KRAS: variants seen among roughly 807,000 people sequenced by gnomAD.
KRAS encodes KRas proto-oncogene, GTPase, also known as GTPase KRas.
A neutral mutation model predicts 21.0 loss-of-function variants in KRAS; 1 was observed. The ratio of observed to expected loss-of-function variants is 0.05; its 90% CI spans 0.02 to 0.23. The LOEUF is 0.23. Ranked by LOEUF, KRAS falls within the 10% of genes least tolerant of loss-of-function variation. The pLI is 1.00. For synonymous variants in KRAS, 67 were observed against 72.5 expected (o/e 0.92, Z 0.39); for missense variants, 107 against 221.8 (o/e 0.48, Z 3.29).
intron 2 of KRAS, among the ~76,000 whole-genome samples, chr12:25,242,985 T>C (rs1490562779): frequency 6.6e-6 from 1 of 152,204 alleles, no homozygotes; most frequent in African/African-American, 2.4e-5. Flanking sequence ...TATTACTTGA[T>C]TTAAATTTTT....
chr12:25,226,758 G>C (rs1335993418), intron 3 of KRAS, among the ~76,000 whole-genome samples: 3 of 152,132 alleles, frequency 2.0e-5, no homozygotes, highest in Non-Finnish European at 4.4e-5. Flanking sequence ...TAAGAGAACT[G>C]TAATGCCCAA....
chr12:25,236,802 G>A (rs892334659), intron 2 of KRAS, among the ~76,000 whole-genome samples: 1 of 152,008 alleles, frequency 6.6e-6, no homozygotes, highest in East Asian at 1.9e-4. Flanking sequence ...TGGTAGGAAT[G>A]TAAACAGTAC....
intron 4 of KRAS, among the ~76,000 whole-genome samples, chr12:25,224,327 C>A (rs1245113857): frequency 2.0e-5 from 3 of 151,482 alleles, no homozygotes; most frequent in Admixed American, 1.3e-4. Flanking sequence ...TCCAGTGGGA[C>A]AAGATGTGGA....
rs1287997207 is a variant in KRAS at position 25,224,512 on chromosome 12, T to TA, written c.450+1101dup. On this transcript the variant is annotated intron_variant, in intron 4 of 4. Transcript: ENST00000311936. ...GGAAAGAAAAATTTGTATAGCTGTA[T>TA]AATGTGTGTTTTAAGCTGTATTACA... 2.0e-5 allele frequency among the ~76,000 whole-genome samples: 3 copies of TA among 152,170 alleles called. No individual in the cohort carries two copies. The East Asian group carries it at 5.8e-4, about 29-fold the overall frequency.
chr12:25,249,201 C>A (rs950849565), intron 1 of KRAS, among the ~76,000 whole-genome samples: 2 of 152,102 alleles, frequency 1.3e-5, no homozygotes, highest in African/African-American at 2.4e-5. Context: ...TCTAGACCAG[C>A]CTGACCAACA....
chr12:25,225,667 A>C lies in KRAS; in HGVS notation c.397T>G (p.Leu133Val). 1 of 1,613,366 alleles carries C rather than the reference A, an allele frequency of 6.2e-7. No individual in the cohort carries two copies. Among genetic ancestry groups the C allele is most frequent in the Non-Finnish European group, 8.5e-7 (1 of 1,179,568 alleles). ...RTVDTKQAQD[L>V]ARSYGIPFIE... ...AAAGGAATTCCATAACTTCTTGCTA[A>C]GTCCTGAGCCTGTTTTGTGTCTACT... Residue 133 changes from leucine to valine, a missense_variant, in exon 4 of 5, where the codon TTA (leucine) becomes GTA (valine). This residue lies in a region of KRAS where 65 missense variants were observed against 82.3 expected (regional missense o/e 0.79). Transcript: ENST00000311936.
chr12:25,237,982 A>G (rs1372913810), intron 2 of KRAS, among the ~76,000 whole-genome samples: 3 of 152,226 alleles, frequency 2.0e-5, no homozygotes, highest in Non-Finnish European at 4.4e-5. Context: ...AAGGATAGCT[A>G]CAACTGAAGG....
intron 2 of KRAS, among the ~76,000 whole-genome samples, chr12:25,238,484 T>A (rs1272378454): frequency 6.6e-6 from 1 of 152,220 alleles, no homozygotes; most frequent in Non-Finnish European, 1.5e-5. Flanking sequence ...AATTATGTAA[T>A]TTATTGAGGC....
Position 25,239,215 on chromosome 12 carries a change from T to C in KRAS, c.111+6059A>G, listed in dbSNP as rs1951580064. 2.0e-5 allele frequency among the ~76,000 whole-genome samples: 3 copies of C among 152,290 alleles called. No individual in the cohort carries two copies. In the South Asian group the frequency reaches 6.2e-4, roughly 32 times the overall value. On this transcript the variant is annotated intron_variant, in intron 2 of 4. Coordinates refer to ENST00000311936, the MANE Select transcript of KRAS (RefSeq NM_004985.5). ...TTATATCTTTAGTACCCCCCATCCCTTTTTTTCTATTTGTGTGTTTGCTTT... is the reference window on the plus strand; with the variant it reads ...TTATATCTTTAGTACCCCCCATCCCCTTTTTTCTATTTGTGTGTTTGCTTT...
intron 2 of KRAS, among the ~76,000 whole-genome samples, chr12:25,242,737 A>G (rs1169854182): frequency 6.6e-6 from 1 of 152,154 alleles, no homozygotes; most frequent in East Asian, 1.9e-4. Context: ...CCATTAGTAA[A>G]TATTTTCTTA....
At chr12:25,210,006 G>A in intron 4 of KRAS, 95 bp from the exon 5 acceptor site, 2 of 880,836 alleles carry the variant, frequency 2.3e-6, no homozygotes, top group Non-Finnish European at 3.5e-6. Context: ...ATTAAGAAAG[G>A]ATTCTTTATG....
At position 25,228,885 on chromosome 12, in the gene KRAS, C is replaced by T. The variant is rs144562425; in HGVS notation, c.112-1473G>A. Among the ~76,000 whole-genome samples, 1,361 of 152,186 alleles carry T rather than the reference C, an allele frequency of 8.9e-3. 18 individuals are homozygous for T. The highest frequency in any genetic ancestry group is 0.031 in the African/African-American group (1,278 of 41,508). On this transcript the variant is annotated intron_variant, in intron 2 of 4. Transcript: ENST00000311936. ...AACATCCTGGCCAACATGGTGAAAC[C>T]CCATCTCTATTAAAATACAAAATAT...
intron 2 of KRAS, among the ~76,000 whole-genome samples, chr12:25,242,354 T>A (rs1245232460): frequency 6.6e-6 from 1 of 152,148 alleles, no homozygotes; most frequent in African/African-American, 2.4e-5. Context: ...TACATTTTTT[T>A]AAAACGAGAC....
intron 2 of KRAS, among the ~76,000 whole-genome samples, chr12:25,229,069 A>C (rs1202593310): frequency 6.6e-6 from 1 of 152,134 alleles, no homozygotes; most frequent in Non-Finnish European, 1.5e-5. Flanking sequence ...AAAAAACAAA[A>C]ACAAAACAAA....
chr12:25,238,026 AG>A (rs1475663866), intron 2 of KRAS, among the ~76,000 whole-genome samples: 1 of 152,192 alleles, frequency 6.6e-6, no homozygotes, highest in Non-Finnish European at 1.5e-5. Context: ...TAGGGAGTGA[AG>A]ATGTTAAAGA....
At chr12:25,235,681 C>G (rs2135794560) in intron 2 of KRAS, among the ~76,000 whole-genome samples, 1 of 152,162 alleles carries the variant, frequency 6.6e-6, no homozygotes, top group Non-Finnish European at 1.5e-5. Context: ...GAAGGACATT[C>G]CAAGCAGGAA....
intron 4 of KRAS, among the ~76,000 whole-genome samples, chr12:25,221,876 C>T (rs999005460): frequency 3.3e-5 from 5 of 152,050 alleles, no homozygotes; most frequent in African/African-American, 7.2e-5. Context: ...AAGGGCCAGG[C>T]GCGGTGGCTC....
chr12:25,211,831 T>C (rs1472493140), intron 4 of KRAS, among the ~76,000 whole-genome samples: 6 of 152,190 alleles, frequency 3.9e-5, no homozygotes, highest in Admixed American at 2.0e-4. Flanking sequence ...TGAGCACTAG[T>C]GAAAGTCTCC....
In KRAS at chr12:25,250,765, T is replaced by A. The variant is rs1231161415; in HGVS notation, c.-26A>T. Reference sequence around the variant, plus strand: ...CCGCTCCGTACCTCTCTCCCGCACCTGGGAGCCGCTGAGCCTCTGGCCCCG... The same window carrying A: ...CCGCTCCGTACCTCTCTCCCGCACCAGGGAGCCGCTGAGCCTCTGGCCCCG... On this transcript the variant is annotated 5_prime_UTR_variant, in exon 1 of 5. Coordinates refer to ENST00000311936, the MANE Select transcript of KRAS (RefSeq NM_004985.5). 1.0e-5 allele frequency: 2 copies of A among 199,316 alleles called. 1 individual carries two copies. Among genetic ancestry groups the A allele is most frequent in the East Asian group, 1.6e-4 (2 of 12,550 alleles). 12.3% of individuals were successfully genotyped at this position (199,316 alleles called of 1,614,324 possible). A position where few individuals can be genotyped will look rare whatever the true frequency, so the allele number is the denominator to read the frequency against.
Sources: gnomAD v4.1 joint callset for allele counts (sites outside exome capture counted in the v4.1 genomes callset) on GRCh38, gnomAD v4.1.1 for gene constraint, gnomAD v4.1.1 regional missense constraint, MANE v1.5 for transcripts, NCBI Gene and HGNC (gene_info 2026-07-23, HGNC 2026-07-21) for gene names.